Variants in CCNY observed in about 807,000 individuals in gnomAD.
CCNY encodes cyclin Y.
Under a neutral mutation model 42.8 loss-of-function variants are expected in CCNY, and 19 were observed. That is an observed-to-expected ratio of 0.44 (90% CI 0.31 to 0.65). The LOEUF is 0.65. Ranked by LOEUF, CCNY falls within the 30% of genes least tolerant of loss-of-function variation. CCNY has a pLI of 0.07. For missense variants in CCNY, 370 were observed against 437.3 expected (o/e 0.85, Z 1.37); for synonymous variants, 165 against 162.7 (o/e 1.01, Z -0.11).
intron 3 of CCNY, among the ~76,000 whole-genome samples, chr10:35,312,008 CCTT>C (rs1835690908): frequency 6.6e-6 from 1 of 150,500 alleles, no homozygotes; most frequent in Admixed American, 6.6e-5. Context: ...TTGTTTGGTT[CCTT>C]CTTGTTAGAA....
Position 35,530,417 on chromosome 10 carries a change from C to T in CCNY, c.579+174C>T, listed in dbSNP as rs1296953267. 7.9e-5 allele frequency among the ~76,000 whole-genome samples: 12 copies of T among 152,164 alleles called. No homozygotes were observed. The highest frequency in any genetic ancestry group is 2.6e-4 in the Admixed American group (4 of 15,286). On this transcript the variant is annotated intron_variant, in intron 7 of 9. Transcript: ENST00000374704. The surrounding 1 kb of genome is among the most constrained non-coding windows in gnomAD (Gnocchi z 4.3). Reference sequence around the variant, plus strand: ...CTGGGAGAATAGAGGATAGATATCCCGGAAGAGATTGTGAAGATTGTTCTG... The same window carrying T: ...CTGGGAGAATAGAGGATAGATATCCTGGAAGAGATTGTGAAGATTGTTCTG...
chr10:35,426,399 A>G (rs1367935344), intron 1 of CCNY, among the ~76,000 whole-genome samples: 1 of 152,208 alleles, frequency 6.6e-6, no homozygotes, highest in South Asian at 2.1e-4. Flanking sequence ...CTACAGAAAC[A>G]TAAGCTGAGA....
chr10:35,356,182 G>A (rs1287458709), intron 1 of CCNY, among the ~76,000 whole-genome samples: 2 of 152,058 alleles, frequency 1.3e-5, no homozygotes, highest in Non-Finnish European at 2.9e-5. Flanking sequence ...TTTTCTTTTT[G>A]CTTTGTAGAT....
At chr10:35,285,329 C>G (rs1835341177) in intron 3 of CCNY, among the ~76,000 whole-genome samples, 1 of 152,176 alleles carries the variant, frequency 6.6e-6, no homozygotes, top group Non-Finnish European at 1.5e-5. Context: ...AGCCACACAT[C>G]TTTTTACTTT....
At chr10:35,291,611 A>G (rs1485763222) in intron 3 of CCNY, among the ~76,000 whole-genome samples, 1 of 137,850 alleles carries the variant, frequency 7.3e-6, no homozygotes, top group Non-Finnish European at 1.5e-5. Flanking sequence ...GCTCACTGCT[A>G]CCTCTACCTC....
intron 3 of CCNY, among the ~76,000 whole-genome samples, chr10:35,280,751 A>T (rs892932696): frequency 3.3e-5 from 5 of 152,240 alleles, no homozygotes; most frequent in Admixed American, 6.5e-5. Context: ...GAGAAATTGG[A>T]CATCAGCAAA....
intron 1 of CCNY, among the ~76,000 whole-genome samples, chr10:35,380,252 A>G (rs977221021): frequency 1.3e-5 from 2 of 152,214 alleles, no homozygotes; most frequent in African/African-American, 4.8e-5. Context: ...TCAGGGTCCA[A>G]TCATTGAAGC....
intron 7 of CCNY, among the ~76,000 whole-genome samples, chr10:35,549,780 A>C (rs1215429235): frequency 6.1e-4 from 35 of 57,774 alleles, no homozygotes; most frequent in East Asian, 1.1e-3. Context: ...TGCTCATGAC[A>C]CATGACCCTA....
At chr10:35,421,455 C>T (rs1838157298) in intron 1 of CCNY, among the ~76,000 whole-genome samples, 1 of 152,152 alleles carries the variant, frequency 6.6e-6, no homozygotes, top group Admixed American at 6.6e-5. Context: ...TGCTCTGTTT[C>T]TGTTATTCTA....
chr10:35,496,588 TG>T (rs961382578), intron 2 of CCNY, among the ~76,000 whole-genome samples: 10 of 152,006 alleles, frequency 6.6e-5, no homozygotes, highest in Non-Finnish European at 1.5e-4. Context: ...CCCAAAACTT[TG>T]GGGGGTGCTG....
At chr10:35,541,008 C>T (rs1451439838) in intron 7 of CCNY, among the ~76,000 whole-genome samples, 1 of 152,006 alleles carries the variant, frequency 6.6e-6, no homozygotes, top group African/African-American at 2.4e-5. Context: ...ATTTCTATTT[C>T]ATTTCTTTCC....
In CCNY at chr10:35,312,747, CTTTTTTTTTTTT is replaced by C. The variant is rs10688043; in HGVS notation, c.-9+62131_-9+62142del. ...TATCCCAATAGAGTATTCCTTTTTA[CTTTTTTTTTTTT>C]TTTTTTTTTAGAGTTGGGGTCTTGT... is the stretch of plus-strand genomic sequence containing the variant. On this transcript the variant is annotated intron_variant, in intron 3 of 11. Transcript: ENST00000374706. Among the ~76,000 whole-genome samples, 55 of 112,138 alleles carry C rather than the reference CTTTTTTTTTTTT, an allele frequency of 4.9e-4. 1 individual carries two copies. The South Asian group carries it at 0.015, about 30-fold the overall frequency. 73.6% of individuals were successfully genotyped at this position (112,138 alleles called of 152,430 possible).
At chr10:35,545,143 CTGT>C (rs1198670369) in intron 7 of CCNY, among the ~76,000 whole-genome samples, 1 of 152,220 alleles carries the variant, frequency 6.6e-6, no homozygotes, top group African/African-American at 2.4e-5. Flanking sequence ...TGAACGTTCC[CTGT>C]TGTTAGCTGA....
At chr10:35,565,060 G>T (rs1841541673) in intron 8 of CCNY, among the ~76,000 whole-genome samples, 1 of 152,198 alleles carries the variant, frequency 6.6e-6, no homozygotes, top group Non-Finnish European at 1.5e-5. Flanking sequence ...CAGGACCAGT[G>T]CTCCACAGAT....
At chr10:35,325,761 C>T (rs552476272) in intron 3 of CCNY, among the ~76,000 whole-genome samples, 6 of 152,294 alleles carry the variant, frequency 3.9e-5, no homozygotes, top group East Asian at 1.9e-4. Flanking sequence ...TGAGTCACTG[C>T]GCTTGGCCCC....
At chr10:35,276,521 G>A (rs1421249301) in intron 3 of CCNY, among the ~76,000 whole-genome samples, 1 of 152,108 alleles carries the variant, frequency 6.6e-6, no homozygotes, top group African/African-American at 2.4e-5. Flanking sequence ...TAGTAGCTGG[G>A]ACAACAGGCG....
chr10:35,337,250 C>T, intron 1 of CCNY, 43 bp downstream of exon 1: 3 of 1,448,780 alleles, frequency 2.1e-6, no homozygotes, highest in South Asian at 1.3e-5. Flanking sequence ...CCCGCGGCAA[C>T]AGTCGCACAG....
intron 4 of CCNY, among the ~76,000 whole-genome samples, chr10:35,524,870 G>A (rs970851474): frequency 6.6e-6 from 1 of 152,350 alleles, no homozygotes; most frequent in South Asian, 2.1e-4. Context: ...AGTTGAAACA[G>A]ATGCTGGTGG....
rs571707521 is a variant in CCNY at position 35,514,585 on chromosome 10, C to A, written c.265-1938C>A. Among the ~76,000 whole-genome samples the A allele has an allele frequency of 2.0e-5, 3 of 152,326 alleles. No individual in the cohort carries two copies. The East Asian group carries it at 5.8e-4, about 29-fold the overall frequency. On this transcript the variant is annotated intron_variant, in intron 3 of 9. Transcript: ENST00000374704. ...CTCTGTATTCTGAGGGTTCCCATGA[C>A]CCCGTGCATCACTCTTCTTTCCCTG...
Sources: gnomAD v4.1 joint callset for allele counts (sites outside exome capture counted in the v4.1 genomes callset) on GRCh38, gnomAD v4.1.1 for gene constraint, Gnocchi (gnomAD v3.1) non-coding constraint, MANE v1.5 for transcripts, NCBI Gene and HGNC (gene_info 2026-07-23, HGNC 2026-07-21) for gene names.